EPHA6: variants seen among roughly 807,000 people sequenced by gnomAD.
The protein encoded by EPHA6 is EPH receptor A6.
In EPHA6, 50 loss-of-function variants were observed where a neutral mutation model predicts 112.0. The observed-to-expected ratio is 0.45, with a 90% CI of 0.36 to 0.56. The LOEUF (loss-of-function observed/expected upper bound fraction) is 0.56. Ranked by LOEUF, EPHA6 falls within the 20% of genes least tolerant of loss-of-function variation. The pLI is 0.00. For missense variants in EPHA6, 1,280 were observed against 1,417.4 expected, an observed-to-expected ratio of 0.90 and a Z score of 1.56; for synonymous variants, 529 against 490.7, an observed-to-expected ratio of 1.08 and a Z score of -1.03.
chr3:97,096,705 A>T (rs1027170365), intron 3 of EPHA6, among the ~76,000 whole-genome samples: 6 of 151,920 alleles, frequency 3.9e-5, no homozygotes, highest in Admixed American at 3.9e-4. Context: ...GTGATTCTTA[A>T]ATTTTCTTAA....
intron 3 of EPHA6, among the ~76,000 whole-genome samples, chr3:97,125,980 G>A (rs2048172188): frequency 1.3e-5 from 2 of 152,132 alleles, no homozygotes; most frequent in South Asian, 4.1e-4. Context: ...ACTGTGCTTT[G>A]GTTTAGTGAA....
intron 2 of EPHA6, among the ~76,000 whole-genome samples, chr3:96,925,099 C>A (rs2039966326): frequency 6.6e-6 from 1 of 152,024 alleles, no homozygotes; most frequent in South Asian, 2.1e-4. Flanking sequence ...CTGAAGTTTT[C>A]TTTTTTTGTT....
In EPHA6 at chr3:97,623,684, C is replaced by T. The variant is rs9849105; in HGVS notation, c.2574+12830C>T. On this transcript the variant is annotated intron_variant, in intron 13 of 17. Transcript: ENST00000389672. ...CCCTCTTTTACAATAGCATTAATCC[C>T]ATTCATGAGGATTGAGTGTTCATGA... Among the ~76,000 whole-genome samples, 986 of 151,684 alleles carry T rather than the reference C, an allele frequency of 6.5e-3. 15 individuals are homozygous for T. The highest frequency in any genetic ancestry group is 0.022 in the African/African-American group (920 of 41,450).
chr3:97,698,875 C>G (rs747817622), intron 14 of EPHA6, among the ~76,000 whole-genome samples: 1 of 152,128 alleles, frequency 6.6e-6, no homozygotes, highest in Non-Finnish European at 1.5e-5. Context: ...GCCTGCCAAA[C>G]GGTTCCTGCC....
intron 2 of EPHA6, among the ~76,000 whole-genome samples, chr3:96,915,763 A>G (rs979550445): frequency 6.6e-6 from 1 of 152,120 alleles, no homozygotes; most frequent in Admixed American, 6.6e-5. Context: ...GCACATACTT[A>G]CTGTGCTCAT....
intron 5 of EPHA6, among the ~76,000 whole-genome samples, chr3:97,356,147 C>T (rs1173361783): frequency 6.6e-6 from 1 of 152,062 alleles, no homozygotes; most frequent in Non-Finnish European, 1.5e-5. Context: ...GGAGTGTGAA[C>T]CCTATTTTGA....
intron 14 of EPHA6, among the ~76,000 whole-genome samples, chr3:97,713,644 T>TGTGC (rs1320190984): frequency 6.6e-6 from 1 of 152,196 alleles, no homozygotes; most frequent in Non-Finnish European, 1.5e-5. Context: ...CACAATCCCA[T>TGTGC]GTGCATGCAT....
chr3:96,967,533 A>C (rs1198796125), intron 2 of EPHA6, among the ~76,000 whole-genome samples: 1 of 151,886 alleles, frequency 6.6e-6, no homozygotes, highest in East Asian at 1.9e-4. Context: ...CAGTGTCTTA[A>C]ATAACTTCTT....
At chr3:97,285,055 G>A (rs562004370) in intron 5 of EPHA6, among the ~76,000 whole-genome samples, 4 of 152,070 alleles carry the variant, frequency 2.6e-5, no homozygotes, top group South Asian at 2.1e-4. Flanking sequence ...CTGGAATACC[G>A]CCATCTGATA....
At chr3:97,664,095 G>C (rs1050029053) in intron 14 of EPHA6, among the ~76,000 whole-genome samples, 1 of 152,186 alleles carries the variant, frequency 6.6e-6, no homozygotes, top group Non-Finnish European at 1.5e-5. Flanking sequence ...GTGATGATGA[G>C]CATTTTTTCA....
chr3:96,955,899 A>G (rs2041738574), intron 2 of EPHA6, among the ~76,000 whole-genome samples: 2 of 152,226 alleles, frequency 1.3e-5, no homozygotes. Context: ...GTTTTTTGTG[A>G]TATGAAAAAT....
At chr3:97,702,260 T>C (rs1242176104) in intron 14 of EPHA6, among the ~76,000 whole-genome samples, 1 of 152,222 alleles carries the variant, frequency 6.6e-6, no homozygotes, top group Non-Finnish European at 1.5e-5. Context: ...TGTGTTAGAA[T>C]AAAGAACTTT....
intron 5 of EPHA6, among the ~76,000 whole-genome samples, chr3:97,269,420 T>C (rs1235563519): frequency 6.6e-6 from 1 of 152,190 alleles, no homozygotes. Context: ...TTAACATGCA[T>C]ATGAATCACC....
At chr3:96,959,684 GA>G (rs1251416636) in intron 2 of EPHA6, among the ~76,000 whole-genome samples, 1 of 151,866 alleles carries the variant, frequency 6.6e-6, no homozygotes. Flanking sequence ...ATTGTGTAAG[GA>G]AGGGGTCTGA....
intron 11 of EPHA6, among the ~76,000 whole-genome samples, chr3:97,554,789 T>A (rs1053266582): frequency 2.6e-5 from 4 of 152,006 alleles, no homozygotes; most frequent in African/African-American, 7.2e-5. Flanking sequence ...TGTATCATGG[T>A]GGTCATGTTT....
At chr3:97,431,213 T>C (rs1460366034) in intron 6 of EPHA6, among the ~76,000 whole-genome samples, 1 of 152,150 alleles carries the variant, frequency 6.6e-6, no homozygotes, top group Non-Finnish European at 1.5e-5. Flanking sequence ...TTTTCACATA[T>C]GTGTATATTT....
At chr3:97,542,419 T>C (rs907921986) in intron 11 of EPHA6, among the ~76,000 whole-genome samples, 2 of 152,222 alleles carry the variant, frequency 1.3e-5, no homozygotes, top group African/African-American at 4.8e-5. Context: ...ACAAAGGACA[T>C]GAACTCATCA....
intron 7 of EPHA6, among the ~76,000 whole-genome samples, chr3:97,460,336 T>C (rs2107380662): frequency 6.6e-6 from 1 of 152,330 alleles, no homozygotes; most frequent in Non-Finnish European, 1.5e-5. Flanking sequence ...TTGATTTATG[T>C]TTTGGTTTCC....
chr3:97,326,208 A>G (rs1431894409), intron 5 of EPHA6, among the ~76,000 whole-genome samples: 3 of 152,054 alleles, frequency 2.0e-5, no homozygotes, highest in Admixed American at 1.3e-4. Flanking sequence ...TAGGCATATT[A>G]TAATCTAGAA....
Sources: allele counts gnomAD v4.1 joint callset (sites outside exome capture counted in the v4.1 genomes callset), GRCh38; gene constraint gnomAD v4.1.1; transcripts MANE v1.5; gene names NCBI Gene and HGNC (gene_info 2026-07-23, HGNC 2026-07-21).